CCDC91: variants seen among roughly 807,000 people sequenced by gnomAD.
CCDC91 encodes the protein coiled-coil domain containing 91.
A neutral mutation model predicts 63.2 loss-of-function variants in CCDC91; 48 were observed. The ratio of observed to expected loss-of-function variants is 0.76; its 90% CI spans 0.60 to 0.97. CCDC91 has a LOEUF of 0.97. Among genes scored for constraint, CCDC91 ranks in the 50% least tolerant of loss-of-function variants. The pLI, the probability that CCDC91 is intolerant of heterozygous loss-of-function variation, is 0.00. For synonymous variants in CCDC91, 167 were observed against 165.8 expected (o/e 1.01, Z -0.06); for missense variants, 500 against 494.6 (o/e 1.01, Z -0.10).
At chr12:28,299,671 C>T (rs531148898) in intron 3 of CCDC91, among the ~76,000 whole-genome samples, 1 of 151,630 alleles carries the variant, frequency 6.6e-6, no homozygotes, top group Non-Finnish European at 1.5e-5. Flanking sequence ...GCCGATCTTC[C>T]ACTATCAGTC....
At chr12:28,207,787 A>G (rs1237264517) in intron 1 of CCDC91, among the ~76,000 whole-genome samples, 2 of 152,172 alleles carry the variant, frequency 1.3e-5, no homozygotes, top group African/African-American at 4.8e-5. Context: ...TTAATAATAA[A>G]AGGTTTAAGG....
chr12:28,414,314 T>A (rs1947506740), intron 8 of CCDC91, among the ~76,000 whole-genome samples: 1 of 152,088 alleles, frequency 6.6e-6, no homozygotes, highest in Non-Finnish European at 1.5e-5. Flanking sequence ...AGTCAGATAG[T>A]TTGGATGCCA....
chr12:28,448,325 A>AT (rs759346098), intron 8 of CCDC91, among the ~76,000 whole-genome samples: 7 of 152,182 alleles, frequency 4.6e-5, no homozygotes, highest in Non-Finnish European at 1.0e-4. Context: ...TGCTATTATT[A>AT]TCTATAAGTA....
intron 8 of CCDC91, among the ~76,000 whole-genome samples, chr12:28,419,051 A>T (rs1156762459): frequency 1.1e-4 from 16 of 152,098 alleles, no homozygotes; most frequent in Middle Eastern, 3.2e-3. Flanking sequence ...TTTTTTTGTC[A>T]GATATTCTAC....
intron 12 of CCDC91, among the ~76,000 whole-genome samples, chr12:28,503,410 G>C (rs1005815606): frequency 6.6e-6 from 1 of 152,112 alleles, no homozygotes; most frequent in African/African-American, 2.4e-5. Flanking sequence ...AGTTAGAATG[G>C]CGATCATTAA....
At chr12:28,396,447 G>A (rs1323188105) in intron 8 of CCDC91, among the ~76,000 whole-genome samples, 5 of 152,178 alleles carry the variant, frequency 3.3e-5, no homozygotes, top group South Asian at 2.1e-4. Context: ...AAAATTGATC[G>A]GAGGGAATAT....
intron 1 of CCDC91, among the ~76,000 whole-genome samples, chr12:28,228,092 C>T (rs1260232516): frequency 6.6e-6 from 1 of 152,036 alleles, no homozygotes; most frequent in East Asian, 1.9e-4. Context: ...AGCCACCTAT[C>T]TAGTAACTTC....
At chr12:28,426,077 G>A (rs1409027379) in intron 8 of CCDC91, among the ~76,000 whole-genome samples, 2 of 152,014 alleles carry the variant, frequency 1.3e-5, no homozygotes, top group African/African-American at 2.4e-5. Flanking sequence ...TTATAATGTG[G>A]TATATCTTAA....
chr12:28,520,587 T>A (rs916688529), intron 12 of CCDC91, among the ~76,000 whole-genome samples: 14 of 152,196 alleles, frequency 9.2e-5, no homozygotes, highest in African/African-American at 3.1e-4. Flanking sequence ...TAGATCCCAT[T>A]TGTCAATTTT....
intron 12 of CCDC91, among the ~76,000 whole-genome samples, chr12:28,502,971 A>G (rs1938152637): frequency 6.7e-6 from 1 of 149,616 alleles, no homozygotes; most frequent in South Asian, 2.1e-4. Flanking sequence ...ACCTAAAACC[A>G]TAAAAACCCT....
intron 3 of CCDC91, among the ~76,000 whole-genome samples, chr12:28,288,338 T>C (rs1261378796): frequency 6.6e-6 from 1 of 152,228 alleles, no homozygotes; most frequent in Non-Finnish European, 1.5e-5. Flanking sequence ...GGCTGTGGGT[T>C]TGTCATGTGT....
In CCDC91 at chr12:28,304,492, A is replaced by G. The variant is rs77542738; in HGVS notation, c.110-1157A>G. On this transcript the variant is annotated intron_variant, in intron 3 of 12. Transcript: ENST00000536442. Reference sequence around the variant, plus strand: ...TGGCACATAATATGTCAAAAATGCAATATTGCTAAAAATGCAATATTGCTA... The same window carrying G: ...TGGCACATAATATGTCAAAAATGCAGTATTGCTAAAAATGCAATATTGCTA... 3.6e-3 allele frequency: 998 copies of G among 276,146 alleles called. 8 individuals are homozygous for G. The highest frequency in any genetic ancestry group is 0.021 in the African/African-American group (917 of 44,476). The allele number at this position is 276,146 out of a possible 1,614,324, so 17.1% of individuals were successfully genotyped here.
chr12:28,223,862 A>G (rs1212189661), intron 1 of CCDC91, among the ~76,000 whole-genome samples: 1 of 152,202 alleles, frequency 6.6e-6, no homozygotes, highest in Admixed American at 6.5e-5. Flanking sequence ...GGCTTTTAAA[A>G]CTGTAAGATT....
intron 7 of CCDC91, among the ~76,000 whole-genome samples, chr12:28,372,605 G>T (rs1431069358): frequency 1.1e-4 from 17 of 151,374 alleles, no homozygotes; most frequent in African/African-American, 4.1e-4. Context: ...TGTAGCTATT[G>T]TAAATGGATT....
chr12:28,532,110 A>T (rs746705520), intron 12 of CCDC91, among the ~76,000 whole-genome samples: 1 of 152,152 alleles, frequency 6.6e-6, no homozygotes, highest in Non-Finnish European at 1.5e-5. Flanking sequence ...GGCACAACAT[A>T]TACAAAAGCC....
chr12:28,381,596 A>T (rs1387473499), intron 7 of CCDC91, among the ~76,000 whole-genome samples: 2 of 152,068 alleles, frequency 1.3e-5, no homozygotes, highest in South Asian at 2.1e-4. Context: ...TAGCAATCGG[A>T]GGCAAATTCC....
chr12:28,211,358 A>G (rs1943220781), intron 1 of CCDC91, among the ~76,000 whole-genome samples: 1 of 152,082 alleles, frequency 6.6e-6, no homozygotes. Context: ...AAGGAAAATT[A>G]TCTTTTTCCA....
chr12:28,530,572 G>T (rs1162679166), intron 12 of CCDC91, among the ~76,000 whole-genome samples: 1 of 152,102 alleles, frequency 6.6e-6, no homozygotes, highest in African/African-American at 2.4e-5. Flanking sequence ...ATAGTAACTG[G>T]TACAGGGCCA....
intron 12 of CCDC91, among the ~76,000 whole-genome samples, chr12:28,547,535 G>A (rs187463459): frequency 3.3e-5 from 5 of 152,176 alleles, no homozygotes; most frequent in East Asian, 3.9e-4. Flanking sequence ...AGATTTCTGC[G>A]TACCTGGGTC....
Sources: allele counts gnomAD v4.1 joint callset (sites outside exome capture counted in the v4.1 genomes callset), GRCh38; gene constraint gnomAD v4.1.1; transcripts MANE v1.5; gene names NCBI Gene and HGNC (gene_info 2026-07-23, HGNC 2026-07-21).